The following GALNT9 variants were observed in gnomAD, a reference collection of about 807,000 sequenced individuals.
GALNT9 encodes polypeptide N-acetylgalactosaminyltransferase 9, also known as GalNAc transferase 9.
Under a neutral mutation model 63.1 loss-of-function variants are expected in GALNT9, and 47 were observed. That is an observed-to-expected ratio of 0.75 (90% CI 0.59 to 0.95). GALNT9 has a LOEUF of 0.95. Ranked by LOEUF, GALNT9 falls within the 40% of genes least tolerant of loss-of-function variation. The pLI, the probability that GALNT9 is intolerant of heterozygous loss-of-function variation, is 0.00. For missense variants in GALNT9, 829 were observed against 874.8 expected, an observed-to-expected ratio of 0.95 and a Z score of 0.66; for synonymous variants, 396 against 365.7, an observed-to-expected ratio of 1.08 and a Z score of -0.94.
chr12:132,311,175 T>C (rs1157719341), intron 1 of GALNT9, among the ~76,000 whole-genome samples: 3 of 152,068 alleles, frequency 2.0e-5, no homozygotes, highest in Non-Finnish European at 2.9e-5. Context: ...GAGAAATGAG[T>C]GGGCCTGCAA....
At chr12:132,257,939 A>C in intron 4 of GALNT9, 53 bp from the exon 5 acceptor site, 1 of 1,270,604 alleles carries the variant, frequency 7.9e-7, no homozygotes, top group Non-Finnish European at 1.1e-6. Flanking sequence ...GCATTCCCTG[A>C]GGAGGGTCCA....
intron 8 of GALNT9, chr12:132,200,385 G>A (rs774963723): frequency 6.6e-6 from 1 of 152,258 alleles, no homozygotes; most frequent in African/African-American, 2.4e-5. Context: ...TCTCTGTGTA[G>A]CTGATGGGCC....
chr12:132,245,298 C>T lies in GALNT9; in HGVS notation c.1077+2612G>A, dbSNP rs1272596727. Among the ~76,000 whole-genome samples the T allele has an allele frequency of 6.6e-6, 1 of 152,062 alleles. No individual in the cohort carries two copies. The highest frequency in any genetic ancestry group is 2.4e-5 in the African/African-American group (1 of 41,384). On this transcript the variant is annotated intron_variant, in intron 6 of 10. Transcript: ENST00000328957. The surrounding 1 kb of genome is among the most constrained non-coding windows in gnomAD (Gnocchi z 6.3). The stretch of plus-strand genomic sequence containing the variant: ...CTCTACTAAAAGTACAAAAATTAGC[C>T]GGGCATGGTGGCATGTGCCTGTGGT...
chr12:132,303,631 A>C (rs1182177845), intron 1 of GALNT9, among the ~76,000 whole-genome samples: 7 of 5,850 alleles, frequency 1.2e-3, no homozygotes, highest in East Asian at 9.4e-3. Context: ...CCGGGCACAG[A>C]ATCGCCCAGA....
chr12:132,298,235 T>A (rs906931863), intron 1 of GALNT9, among the ~76,000 whole-genome samples: 1 of 152,038 alleles, frequency 6.6e-6, no homozygotes, highest in Non-Finnish European at 1.5e-5. Context: ...ATTCCCATGA[T>A]GACCATTGCA....
At chr12:132,277,834 C>G (rs1555241330) in intron 2 of GALNT9, 1 of 152,310 alleles carries the variant, frequency 6.6e-6, no homozygotes, top group Admixed American at 6.5e-5. Context: ...CAGCTGCTGA[C>G]GACCTGGCAG....
At chr12:132,271,099 T>C (rs1408125432) in intron 2 of GALNT9, among the ~76,000 whole-genome samples, 1 of 152,228 alleles carries the variant, frequency 6.6e-6, no homozygotes, top group East Asian at 1.9e-4. Context: ...CCCGTCACTC[T>C]GTGCCAGTCC....
intron 6 of GALNT9, among the ~76,000 whole-genome samples, chr12:132,228,858 A>C (rs1460327530): frequency 1.3e-5 from 2 of 152,130 alleles, no homozygotes; most frequent in African/African-American, 4.8e-5. Flanking sequence ...ATTTTCCTCT[A>C]ACTGGCTCTA....
rs377289905 is a variant in GALNT9 at position 132,222,042 on chromosome 12, C to G, written c.1078-18352G>C. Among the ~76,000 whole-genome samples, 13 of 152,136 alleles carry G rather than the reference C, an allele frequency of 8.5e-5. No individual in the cohort carries two copies. The East Asian group carries it at 1.5e-3, about 18-fold the overall frequency. On this transcript the variant is annotated intron_variant, in intron 6 of 10. Coordinates refer to ENST00000328957, the MANE Select transcript of GALNT9 (RefSeq NM_001122636.2). Reference sequence around the variant, plus strand: ...CAAGACAGACAGTGGATTGGGTAAGCCTGTGACGAGGGCTGCTCTTCCGTT... The same window carrying G: ...CAAGACAGACAGTGGATTGGGTAAGGCTGTGACGAGGGCTGCTCTTCCGTT...
chr12:132,230,266 A>T (rs1877842546), intron 6 of GALNT9, among the ~76,000 whole-genome samples: 2 of 152,096 alleles, frequency 1.3e-5, no homozygotes, highest in Admixed American at 6.5e-5. Context: ...GAGCCTTGTG[A>T]TGGGGGCCGC....
intron 2 of GALNT9, among the ~76,000 whole-genome samples, chr12:132,263,788 T>G (rs1555239973): frequency 1.3e-5 from 2 of 152,222 alleles, no homozygotes; most frequent in East Asian, 3.9e-4. Context: ...AGGCACCGGC[T>G]GGGCCCGTGA....
rs2136894782 is a variant in GALNT9, at chr12:132,236,459, G to C, written c.1077+11451C>G. On this transcript the variant is annotated intron_variant, in intron 6 of 10. Transcript: ENST00000328957. The surrounding 1 kb of genome is among the most constrained non-coding windows in gnomAD (Gnocchi z 5.6). ...GAGGCCCCATAGCACCTGTCATCAC[G>C]GCTGCCAGGGAGTCAGCTCTGCAAA... is the stretch of plus-strand genomic sequence containing the variant. Among the ~76,000 whole-genome samples, 3 of 151,896 alleles carry C rather than the reference G, an allele frequency of 2.0e-5. No homozygotes were observed. The highest frequency in any genetic ancestry group is 7.3e-5 in the African/African-American group (3 of 41,322).
intron 1 of GALNT9, among the ~76,000 whole-genome samples, chr12:132,313,813 T>TCCCC (rs1555245439): frequency 5.8e-5 from 2 of 34,586 alleles, no homozygotes; most frequent in Admixed American, 3.6e-4. Context: ...CATCCACCCA[T>TCCCC]CCACCCACCC....
intron 6 of GALNT9, among the ~76,000 whole-genome samples, chr12:132,220,492 A>C (rs73166873): frequency 6.6e-6 from 1 of 152,226 alleles, no homozygotes; most frequent in African/African-American, 2.4e-5. Context: ...AAAAATACCC[A>C]TGGAAGAAAG....
chr12:132,260,474 A>G (rs531122674), intron 4 of GALNT9, among the ~76,000 whole-genome samples: 1 of 152,100 alleles, frequency 6.6e-6, no homozygotes, highest in African/African-American at 2.4e-5. Flanking sequence ...CCCTTGCACT[A>G]GGCTAAGGCC....
rs778082333 is a variant in GALNT9 at position 132,203,630 on chromosome 12, G to A, written c.1138C>T (p.Arg380Cys). 9.3e-6 allele frequency: 15 copies of A among 1,613,780 alleles called. No individual in the cohort carries two copies. The highest frequency in any genetic ancestry group is 5.0e-5 in the Admixed American group (3 of 60,000). ...TCGTTGTTGTAGGGCTTCCTGGTGC[G>A]CTCGATGTGGGCCACGCGGGAGCAG... Reference protein sequence around the residue: ...LPCSRVAHIERTRKPYNNDID... With the variant: ...LPCSRVAHIECTRKPYNNDID... Residue 380 changes from arginine to cysteine, a missense_variant, in exon 7 of 11, where the codon CGC (arginine) becomes TGC (cysteine). Transcript: ENST00000328957.
In GALNT9 at chr12:132,286,358, C is replaced by G; in HGVS notation, c.311G>C (p.Arg104Pro). ...GCCTTCCGCCTCCTGGCCGTCATCA[C>G]GCAGGGTGGCCGCCAAGCCACCCTG... ...LGQGGLAATL[R>P]DDGQEAEGKY... Residue 104 changes from arginine to proline, a missense_variant, in exon 2 of 11, where the codon CGT becomes CCT. Physicochemically the swap from Arg to Pro is moderately radical, Grantham distance 103. Coordinates refer to ENST00000328957, the MANE Select transcript of GALNT9 (RefSeq NM_001122636.2). This position sits in a 1 kb window ranked among gnomAD's most constrained non-coding sequence, Gnocchi z 7.4. 2 of 1,550,898 alleles carry G rather than the reference C, an allele frequency of 1.3e-6. No homozygotes were observed. Among genetic ancestry groups the G allele is most frequent in the Non-Finnish European group, 1.7e-6 (2 of 1,146,888 alleles).
intron 6 of GALNT9, among the ~76,000 whole-genome samples, chr12:132,229,468 A>AT (rs1178690385): frequency 2.6e-5 from 4 of 152,222 alleles, no homozygotes; most frequent in African/African-American, 7.2e-5. Context: ...TGGAGAGACT[A>AT]TCCAGATGAC....
chr12:132,314,330 G>A (rs1383937797), intron 1 of GALNT9, among the ~76,000 whole-genome samples: 1 of 151,832 alleles, frequency 6.6e-6, no homozygotes, highest in Admixed American at 6.6e-5. Context: ...TGCCCCACTT[G>A]AACTCTCTTT....
Sources: allele counts gnomAD v4.1 joint callset (sites outside exome capture counted in the v4.1 genomes callset), GRCh38; gene constraint gnomAD v4.1.1; non-coding constraint Gnocchi (gnomAD v3.1); transcripts MANE v1.5; gene names NCBI Gene and HGNC (gene_info 2026-07-23, HGNC 2026-07-21).